The following ICA1 variants were observed in gnomAD, a reference collection of about 807,000 sequenced individuals.
ICA1 encodes 69 kDa islet cell autoantigen.
ICA1 carries 40 observed loss-of-function variants against 71.0 expected under a neutral mutation model. The observed-to-expected ratio is 0.56, with a 90% CI of 0.44 to 0.73. The LOEUF (loss-of-function observed/expected upper bound fraction) is 0.73. ICA1 is among the 30% of genes least tolerant of loss of function. The pLI is 0.00. For missense variants in ICA1, 578 were observed against 576.5 expected, an observed-to-expected ratio of 1.00 and a Z score of -0.03; for synonymous variants, 207 against 209.5, an observed-to-expected ratio of 0.99 and a Z score of 0.10.
rs574892137 is a variant in ICA1, at chr7:8,184,537, A to T, written c.580-25885T>A. Among the ~76,000 whole-genome samples, 3 of 152,330 alleles carry T rather than the reference A, an allele frequency of 2.0e-5. No individual in the cohort carries two copies. In the South Asian group the frequency reaches 6.2e-4, roughly 32 times the overall value. On this transcript the variant is annotated intron_variant, in intron 6 of 13. Transcript: ENST00000402384. ...TCTAACCATGCTCCTCAGGGAATATATCACAATATATAAATCACAAGATAG... is the reference window on the plus strand; with the variant it reads ...TCTAACCATGCTCCTCAGGGAATATTTCACAATATATAAATCACAAGATAG...
At position 8,157,428 on chromosome 7, in the gene ICA1, C is replaced by T. The variant is rs77264067; in HGVS notation, c.706-214G>A. 7.8e-3 allele frequency: 4,020 copies of T among 513,688 alleles called. 144 individuals are homozygous for T. Among genetic ancestry groups the T allele is most frequent in the African/African-American group, 0.071 (3,606 of 50,888 alleles). The allele number at this position is 513,688 out of a possible 1,614,324, so 31.8% of individuals were successfully genotyped here. A position where few individuals can be genotyped will look rare whatever the true frequency, so the allele number is the denominator to read the frequency against. On this transcript the variant is annotated intron_variant, in intron 7 of 13. Transcript: ENST00000402384. ...CAAATGCTGCCTCCCAGAACTCATG[C>T]TGCTCCCACCACCTGGGACATTCTC...
intron 1 of ICA1, among the ~76,000 whole-genome samples, chr7:8,246,938 G>A (rs1383814204): frequency 1.3e-5 from 2 of 152,046 alleles, no homozygotes; most frequent in Non-Finnish European, 2.9e-5. Context: ...AGTAGAGATG[G>A]GGTTTCACCG....
chr7:8,127,780 A>G (rs17847175), intron 13 of ICA1, 93 bp downstream of exon 13: 4 of 1,356,508 alleles, frequency 2.9e-6, no homozygotes, highest in Non-Finnish European at 4.0e-6. Context: ...AGAAAACATT[A>G]AAAAAGACAA....
chr7:8,158,462 C>A, intron 7 of ICA1, 65 bp downstream of exon 7: 1 of 1,579,620 alleles, frequency 6.3e-7, no homozygotes. Context: ...AGCTCAAACA[C>A]CATTTTGATG....
At chr7:8,165,039 T>C (rs1201265085) in intron 6 of ICA1, among the ~76,000 whole-genome samples, 1 of 152,136 alleles carries the variant, frequency 6.6e-6, no homozygotes, top group Non-Finnish European at 1.5e-5. Context: ...ATCATGCCAC[T>C]GCACTCCAGA....
At chr7:8,211,858 T>A (rs139142900) in intron 6 of ICA1, among the ~76,000 whole-genome samples, 178 of 152,282 alleles carry the variant, frequency 1.2e-3, no homozygotes, top group Middle Eastern at 3.4e-3. Flanking sequence ...ACTGCTCAAC[T>A]CTGCCATGGT....
At chr7:8,245,736 C>G (rs1298078131) in intron 1 of ICA1, among the ~76,000 whole-genome samples, 1 of 151,664 alleles carries the variant, frequency 6.6e-6, no homozygotes, top group South Asian at 2.1e-4. Context: ...ATTTTTGTAC[C>G]AAGTTTAAAA....
chr7:8,180,837 CTT>C (rs571384468), intron 6 of ICA1, among the ~76,000 whole-genome samples: 16 of 143,686 alleles, frequency 1.1e-4, no homozygotes, highest in South Asian at 2.2e-4. Context: ...GTCTCTCTCT[CTT>C]TTTTTTTTTT....
Position 8,235,928 on chromosome 7 carries a change from T to C in ICA1, c.-2A>G. On this transcript the variant is annotated 5_prime_UTR_variant, in exon 2 of 14. Coordinates refer to ENST00000402384, the MANE Select transcript of ICA1 (RefSeq NM_001136020.3). Reference sequence around the variant, plus strand: ...TACTTACCATTTGTGTCCTGACATGTTTTCTTCTTCTTCTATTGTTGATGA... The same window carrying C: ...TACTTACCATTTGTGTCCTGACATGCTTTCTTCTTCTTCTATTGTTGATGA... The C allele has an allele frequency of 1.2e-6, 2 of 1,613,282 alleles. No homozygotes were observed. Among genetic ancestry groups the C allele is most frequent in the South Asian group, 1.1e-5 (1 of 90,936 alleles).
At chr7:8,255,698 A>C (rs1027776971) in intron 1 of ICA1, among the ~76,000 whole-genome samples, 6 of 151,518 alleles carry the variant, frequency 4.0e-5, no homozygotes, top group African/African-American at 1.5e-4. Context: ...GCACTCTCAA[A>C]TTCTTCTTTC....
intron 12 of ICA1, among the ~76,000 whole-genome samples, chr7:8,136,181 A>G (rs1480372984): frequency 2.0e-5 from 3 of 152,146 alleles, no homozygotes; most frequent in Non-Finnish European, 4.4e-5. Flanking sequence ...CTCTTTGAGA[A>G]TCGTTGCTGT....
chr7:8,177,991 G>A (rs544959865), intron 6 of ICA1, among the ~76,000 whole-genome samples: 1 of 152,308 alleles, frequency 6.6e-6, no homozygotes, highest in African/African-American at 2.4e-5. Flanking sequence ...GCAAACTCTG[G>A]AATGTGAGCA....
chr7:8,255,003 A>G (rs73236354), intron 1 of ICA1, among the ~76,000 whole-genome samples: 6,090 of 151,976 alleles, frequency 0.04, 381 homozygotes, highest in African/African-American at 0.14. Flanking sequence ...CTCTCTGTGC[A>G]CCCCTGCTCA....
intron 10 of ICA1, among the ~76,000 whole-genome samples, chr7:8,140,393 C>T (rs1314998578): frequency 6.6e-6 from 1 of 152,186 alleles, no homozygotes; most frequent in Non-Finnish European, 1.5e-5. Flanking sequence ...TTTGCCCAGG[C>T]TGTTTCTTCT....
At chr7:8,188,710 G>T (rs191501381) in intron 6 of ICA1, among the ~76,000 whole-genome samples, 287 of 152,298 alleles carry the variant, frequency 1.9e-3, no homozygotes, top group Middle Eastern at 6.8e-3. Context: ...CAGAGTTGCT[G>T]CCAATCCTGC....
At chr7:8,235,081 T>C (rs2128469208) in intron 2 of ICA1, among the ~76,000 whole-genome samples, 1 of 152,184 alleles carries the variant, frequency 6.6e-6, no homozygotes, top group East Asian at 1.9e-4. Context: ...GGAGAATCAC[T>C]TGAACCAGGG....
At chr7:8,243,141 G>C (rs1804614259) in intron 1 of ICA1, among the ~76,000 whole-genome samples, 1 of 152,204 alleles carries the variant, frequency 6.6e-6, no homozygotes. Context: ...CTATATCCCT[G>C]ATAAACATCA....
At chr7:8,135,456 T>C (rs1793087393) in intron 12 of ICA1, among the ~76,000 whole-genome samples, 1 of 152,150 alleles carries the variant, frequency 6.6e-6, no homozygotes, top group Admixed American at 6.5e-5. Flanking sequence ...CCCAGGATGC[T>C]GAGGAAGACA....
At chr7:8,207,378 T>A (rs565677528) in intron 6 of ICA1, among the ~76,000 whole-genome samples, 27 of 152,320 alleles carry the variant, frequency 1.8e-4, no homozygotes, top group African/African-American at 6.3e-4. Flanking sequence ...CCTGAACCCA[T>A]GTAAAATTGG....
Sources: gnomAD v4.1 joint callset for allele counts (sites outside exome capture counted in the v4.1 genomes callset) on GRCh38, gnomAD v4.1.1 for gene constraint, MANE v1.5 for transcripts, NCBI Gene and HGNC (gene_info 2026-07-23, HGNC 2026-07-21) for gene names.